Variants in MAN2A1 observed in about 807,000 individuals in gnomAD.
MAN2A1 encodes mannosidase alpha class 2A member 1.
A neutral mutation model predicts 142.6 loss-of-function variants in MAN2A1; 76 were observed. That is an observed-to-expected ratio of 0.53 (90% confidence interval 0.44 to 0.65). The LOEUF (loss-of-function observed/expected upper bound fraction) is 0.65, where lower values mean the gene tolerates loss of function less well. Ranked by LOEUF, MAN2A1 falls within the 30% of genes least tolerant of loss-of-function variation. The pLI is 0.00. For synonymous variants in MAN2A1, 559 were observed against 473.2 expected (o/e 1.18, Z -2.35); for missense variants, 1,311 against 1,365.1 (o/e 0.96, Z 0.62).
At chr5:109,759,680 G>A (rs1752785728) in intron 5 of MAN2A1, among the ~76,000 whole-genome samples, 1 of 152,160 alleles carries the variant, frequency 6.6e-6, no homozygotes, top group African/African-American at 2.4e-5. Flanking sequence ...CTTTGAAAGA[G>A]TTTTCCAAAG....
intron 12 of MAN2A1, among the ~76,000 whole-genome samples, chr5:109,790,845 C>G (rs566734555): frequency 9.9e-5 from 15 of 152,104 alleles, no homozygotes; most frequent in African/African-American, 3.6e-4. Flanking sequence ...TCTGGGTGCT[C>G]TTATGCTGGG....
intron 1 of MAN2A1, among the ~76,000 whole-genome samples, chr5:109,705,129 A>AT (rs920235072): frequency 6.6e-6 from 1 of 151,570 alleles, no homozygotes; most frequent in Non-Finnish European, 1.5e-5. Context: ...CTCAATGCCA[A>AT]TTTTTTTTCC....
intron 4 of MAN2A1, among the ~76,000 whole-genome samples, chr5:109,735,275 T>C (rs1350347184): frequency 6.6e-6 from 1 of 152,150 alleles, no homozygotes; most frequent in Non-Finnish European, 1.5e-5. Flanking sequence ...TCTCTGCACG[T>C]GAGATGGGTT....
At chr5:109,832,993 G>C (rs1754961016) in intron 16 of MAN2A1, among the ~76,000 whole-genome samples, 1 of 151,972 alleles carries the variant, frequency 6.6e-6, no homozygotes, top group Non-Finnish European at 1.5e-5. Flanking sequence ...TTCCCAGATG[G>C]GGTCACGGCC....
chr5:109,830,884 C>G (rs1474827081), intron 16 of MAN2A1, among the ~76,000 whole-genome samples: 3 of 152,162 alleles, frequency 2.0e-5, no homozygotes, highest in Admixed American at 6.5e-5. Flanking sequence ...TCTGGTTACA[C>G]AGATTCAGAA....
At chr5:109,730,480 C>G (rs558836000) in intron 4 of MAN2A1, among the ~76,000 whole-genome samples, 159 of 151,828 alleles carry the variant, frequency 1.0e-3, no homozygotes, top group African/African-American at 3.7e-3. Flanking sequence ...AAAAAGTTTT[C>G]TCCAATCTAG....
rs1755292305 is a variant in MAN2A1, at chr5:109,844,310, T to C, written c.2701-1555T>C. Among the ~76,000 whole-genome samples, 4 of 152,218 alleles carry C rather than the reference T, an allele frequency of 2.6e-5. No individual in the cohort carries two copies. In the South Asian group the frequency reaches 8.3e-4, roughly 31 times the overall value. The stretch of plus-strand genomic sequence containing the variant: ...TTAAAATTGACCATTTTTTAAGCTT[T>C]GGATATAGTAGTACTTGGGCAAAAC... On this transcript the variant is annotated intron_variant, in intron 17 of 21. Transcript: ENST00000261483.
In MAN2A1 at chr5:109,716,127, A is replaced by C; in HGVS notation, c.398A>C (p.Asp133Ala). ...GSHNSDVQML[D>A]VYSLISFDNP... ...TTTCTTTTACATTTTTAGATGTTGG[A>C]TGTTTACAGTCTAATTTCTTTTGAC... Residue 133 changes from aspartate (D) to alanine (A), a missense_variant, in exon 3 of 22, where the codon GAT (aspartate) becomes GCT (alanine). Asp to Ala is a moderately radical substitution (Grantham distance 126). Around this residue, in one of 3 missense-constraint regions of MAN2A1, gnomAD observed 409 missense variants for 412.7 expected, o/e 0.99. Transcript: ENST00000261483. The C allele has an allele frequency of 6.3e-7, 1 of 1,598,784 alleles. No homozygotes were observed. Among genetic ancestry groups the C allele is most frequent in the Non-Finnish European group, 8.5e-7 (1 of 1,172,650 alleles).
intron 20 of MAN2A1, among the ~76,000 whole-genome samples, chr5:109,856,281 C>T (rs1203132115): frequency 1.3e-5 from 2 of 152,112 alleles, no homozygotes; most frequent in Non-Finnish European, 2.9e-5. Flanking sequence ...ATACCTGTCA[C>T]TTGGGAGAGG....
At chr5:109,771,851 C>G (rs941116868) in intron 7 of MAN2A1, among the ~76,000 whole-genome samples, 1 of 152,106 alleles carries the variant, frequency 6.6e-6, no homozygotes, top group Non-Finnish European at 1.5e-5. Flanking sequence ...CTGGGGAGTC[C>G]CAGTGCATTC....
chr5:109,710,815 C>T (rs905963513), intron 1 of MAN2A1, among the ~76,000 whole-genome samples: 5 of 152,290 alleles, frequency 3.3e-5, no homozygotes, highest in African/African-American at 9.6e-5. Flanking sequence ...CTCAGCCTTC[C>T]AAGTAGCTGG....
At chr5:109,857,117 G>T (rs994371656) in intron 20 of MAN2A1, among the ~76,000 whole-genome samples, 1 of 152,158 alleles carries the variant, frequency 6.6e-6, no homozygotes, top group Non-Finnish European at 1.5e-5. Context: ...CAGATTTCTG[G>T]GGGTAGAGTG....
intron 19 of MAN2A1, among the ~76,000 whole-genome samples, chr5:109,848,799 C>A (rs1755405858): frequency 6.6e-6 from 1 of 152,184 alleles, no homozygotes; most frequent in Admixed American, 6.5e-5. Flanking sequence ...AAATGGAATA[C>A]AGCCTTCCTT....
intron 16 of MAN2A1, among the ~76,000 whole-genome samples, chr5:109,824,642 G>C (rs1477016601): frequency 6.6e-6 from 1 of 151,968 alleles, no homozygotes; most frequent in Non-Finnish European, 1.5e-5. Context: ...AATTAGAAAA[G>C]AAAAAATACT....
intron 8 of MAN2A1, 40 bp from the exon 9 acceptor site, chr5:109,781,356 A>T (rs374474443): frequency 7.5e-6 from 9 of 1,195,904 alleles, no homozygotes; most frequent in Non-Finnish European, 9.5e-6. Context: ...AATAATTTTA[A>T]GATAGAATGA....
chr5:109,703,597 G>GC (rs370422634), intron 1 of MAN2A1, among the ~76,000 whole-genome samples: 1 of 151,828 alleles, frequency 6.6e-6, no homozygotes, highest in African/African-American at 2.4e-5. Context: ...AGTCGGTGTG[G>GC]TTTTTAAAAA....
At position 109,770,468 on chromosome 5, in the gene MAN2A1, C is replaced by T. The variant is rs1378335365; in HGVS notation, c.1123C>T (p.Leu375Phe). The T allele has an allele frequency of 6.2e-7, 1 of 1,613,898 alleles. No homozygotes were observed. The highest frequency in any genetic ancestry group is 1.7e-5 in the Admixed American group (1 of 59,986). Reference protein sequence around the residue: ...KICCQFDFKRLPGGRFGCPWG... With the variant: ...KICCQFDFKRFPGGRFGCPWG... ...ATGCTGCCAGTTTGATTTTAAACGT[C>T]TTCCTGGAGGCAGATTTGGTTGTCC... Residue 375 changes from leucine to phenylalanine, a missense_variant, in exon 7 of 22, where the codon CTT (leucine) becomes TTT (phenylalanine). Coordinates refer to ENST00000261483, the MANE Select transcript of MAN2A1 (RefSeq NM_002372.4).
intron 3 of MAN2A1, among the ~76,000 whole-genome samples, chr5:109,722,102 G>A (rs766619216): frequency 2.0e-5 from 3 of 152,114 alleles, no homozygotes; most frequent in Non-Finnish European, 4.4e-5. Flanking sequence ...AACATATTGC[G>A]TTTTTTGGAT....
intron 12 of MAN2A1, among the ~76,000 whole-genome samples, chr5:109,809,776 GT>G (rs1754268715): frequency 1.3e-5 from 2 of 151,980 alleles, no homozygotes; most frequent in South Asian, 4.1e-4. Context: ...CCTTTCCTTA[GT>G]TTTGGGAAAT....
Sources: gnomAD v4.1 joint callset for allele counts (sites outside exome capture counted in the v4.1 genomes callset) on GRCh38, gnomAD v4.1.1 for gene constraint, gnomAD v4.1.1 regional missense constraint, MANE v1.5 for transcripts, NCBI Gene and HGNC (gene_info 2026-07-23, HGNC 2026-07-21) for gene names.